FOXK1: variants seen among roughly 807,000 people sequenced by gnomAD.
The protein encoded by FOXK1 is forkhead box K1.
A neutral mutation model predicts 51.9 loss-of-function variants in FOXK1; 19 were observed. That is an observed-to-expected ratio of 0.37 (90% CI 0.26 to 0.54). The LOEUF is 0.54. Ranked by LOEUF, FOXK1 falls within the 20% of genes least tolerant of loss-of-function variation. The pLI is 0.87. For synonymous variants in FOXK1, 537 were observed against 482.6 expected (o/e 1.11, Z -1.48); for missense variants, 870 against 1,032.7 (o/e 0.84, Z 2.16).
intron 1 of FOXK1, among the ~76,000 whole-genome samples, chr7:4,699,636 G>A (rs1299984786): frequency 6.6e-6 from 1 of 152,092 alleles, no homozygotes; most frequent in Non-Finnish European, 1.5e-5. Context: ...CCACAGTGCC[G>A]GGATTACAGG....
chr7:4,754,359 T>G, intron 2 of FOXK1, 100 bp from the exon 3 acceptor site: 2 of 1,375,762 alleles, frequency 1.5e-6, no homozygotes, highest in Non-Finnish European at 2.0e-6. Context: ...GTGAGCTTCT[T>G]CCCCACAGCC....
chr7:4,702,641 C>T (rs1269296563), intron 1 of FOXK1, among the ~76,000 whole-genome samples: 1 of 152,220 alleles, frequency 6.6e-6, no homozygotes, highest in Non-Finnish European at 1.5e-5. Context: ...CCACCGCACC[C>T]GGCCAGCATT....
chr7:4,683,778 G>A lies in FOXK1; in HGVS notation c.560+910G>A, dbSNP rs542150043. Among the ~76,000 whole-genome samples, 13 of 152,204 alleles carry A rather than the reference G, an allele frequency of 8.5e-5. No homozygotes were observed. The highest frequency in any genetic ancestry group is 1.8e-4 in the Non-Finnish European group (12 of 68,016). On this transcript the variant is annotated intron_variant, in intron 1 of 8. Coordinates refer to ENST00000328914, the MANE Select transcript of FOXK1 (RefSeq NM_001037165.2). The surrounding 1 kb of genome is among the most constrained non-coding windows in gnomAD (Gnocchi z 4.5). ...ACCCCATCCAGTCTGGGTCCTGGGG[G>A]ACCCCAACACACTCACCCAGGACAG... is the stretch of plus-strand genomic sequence containing the variant.
Position 4,735,745 on chromosome 7 carries a change from C to A in FOXK1, c.561-5093C>A, listed in dbSNP as rs912291892. 6.6e-6 allele frequency among the ~76,000 whole-genome samples: 1 copy of A among 152,188 alleles called. No homozygotes were observed. Among genetic ancestry groups the A allele is most frequent in the Admixed American group, 6.5e-5 (1 of 15,280 alleles). On this transcript the variant is annotated intron_variant, in intron 1 of 8. Transcript: ENST00000328914. This position sits in a 1 kb window ranked among gnomAD's most constrained non-coding sequence, Gnocchi z 4.7. ...CTGGGTTTAAACCACCGTGCAGCAC[C>A]TTCACGATGCAAAACGTGCTCGTTC...
intron 1 of FOXK1, among the ~76,000 whole-genome samples, chr7:4,713,206 C>G (rs1024208174): frequency 7.9e-5 from 12 of 152,166 alleles, no homozygotes; most frequent in Non-Finnish European, 1.6e-4. Context: ...GGTCACAGCC[C>G]ATTGTGTAAT....
chr7:4,710,843 C>T (rs1429396751), intron 1 of FOXK1, among the ~76,000 whole-genome samples: 1 of 152,186 alleles, frequency 6.6e-6, no homozygotes, highest in Non-Finnish European at 1.5e-5. Context: ...CTGAGAATTA[C>T]AGCCATTCCA....
chr7:4,711,434 G>GA lies in FOXK1; in HGVS notation c.560+28566_560+28567insA, dbSNP rs1780172965. Among the ~76,000 whole-genome samples, 1 of 152,148 alleles carries GA rather than the reference G, an allele frequency of 6.6e-6. No individual in the cohort carries two copies. The highest frequency in any genetic ancestry group is 2.4e-5 in the African/African-American group (1 of 41,422). ...CCCTGGAGTGATTCCTGGATGTTGAGGAGGGAGAGATCTGGAGTTAAGGAA... is the reference window on the plus strand; with the variant it reads ...CCCTGGAGTGATTCCTGGATGTTGAGAGAGGGAGAGATCTGGAGTTAAGGAA... On this transcript the variant is annotated intron_variant, in intron 1 of 8. Transcript: ENST00000328914. This position sits in a 1 kb window ranked among gnomAD's most constrained non-coding sequence, Gnocchi z 6.3.
chr7:4,756,668 G>A lies in FOXK1; in HGVS notation c.1051-326G>A, dbSNP rs1448711417. On this transcript the variant is annotated intron_variant, in intron 4 of 8. Coordinates refer to ENST00000328914, the MANE Select transcript of FOXK1 (RefSeq NM_001037165.2). The surrounding 1 kb of genome is among the most constrained non-coding windows in gnomAD (Gnocchi z 4.1). ...TAGTCCCAGCTAGTCAGGAGGCTGA[G>A]GCAGGAGAATCCCTTGAACCCGGGA... Among the ~76,000 whole-genome samples the A allele has an allele frequency of 6.6e-6, 1 of 151,870 alleles. No homozygotes were observed. Among genetic ancestry groups the A allele is most frequent in the South Asian group, 2.1e-4 (1 of 4,820 alleles).
chr7:4,759,276 G>C, intron 6 of FOXK1, 35 bp from the exon 7 acceptor site: 1 of 1,604,450 alleles, frequency 6.2e-7, no homozygotes, highest in Non-Finnish European at 8.5e-7. Flanking sequence ...GGGGGTGCGG[G>C]AGGGGTCACC....
chr7:4,697,768 TG>T (rs1779972096), intron 1 of FOXK1, among the ~76,000 whole-genome samples: 1 of 151,576 alleles, frequency 6.6e-6, no homozygotes, highest in Non-Finnish European at 1.5e-5. Context: ...TGTGTGTGTG[TG>T]TGTGTGTGTG....
chr7:4,691,967 T>C (rs1403805331), intron 1 of FOXK1, among the ~76,000 whole-genome samples: 1 of 152,194 alleles, frequency 6.6e-6, no homozygotes, highest in African/African-American at 2.4e-5. Context: ...CTCAGGGCCC[T>C]TTTATACTCT....
chr7:4,728,719 C>T (rs1780411648), intron 1 of FOXK1, among the ~76,000 whole-genome samples: 1 of 113,806 alleles, frequency 8.8e-6, no homozygotes, highest in Admixed American at 1.2e-4. Flanking sequence ...AGTGAGACCA[C>T]GTCTCTTTTT....
At position 4,707,689 on chromosome 7, in the gene FOXK1, CT is replaced by C. The variant is rs112245661; in HGVS notation, c.560+24834del. Reference sequence around the variant, plus strand: ...CGTGTGCGACCAGTACTCCATTTCACTTTTTTTTTTTTTGAGACGGACTCTC... The same window carrying C: ...CGTGTGCGACCAGTACTCCATTTCACTTTTTTTTTTTTGAGACGGACTCTC... On this transcript the variant is annotated intron_variant, in intron 1 of 8. Coordinates refer to ENST00000328914, the MANE Select transcript of FOXK1 (RefSeq NM_001037165.2). The surrounding 1 kb of genome is among the most constrained non-coding windows in gnomAD (Gnocchi z 4.1). Among the ~76,000 whole-genome samples the C allele has an allele frequency of 5.2e-4, 75 of 144,266 alleles. No individual in the cohort carries two copies. Among genetic ancestry groups the C allele is most frequent in the East Asian group, 1.0e-3 (5 of 4,962 alleles). The allele number at this position is 144,266 out of a possible 152,430, so 94.6% of individuals were successfully genotyped here. A position where few individuals can be genotyped will look rare whatever the true frequency, so the allele number is the denominator to read the frequency against.
At position 4,734,571 on chromosome 7, in the gene FOXK1, C is replaced by T. The variant is rs569948177; in HGVS notation, c.561-6267C>T. On this transcript the variant is annotated intron_variant, in intron 1 of 8. Coordinates refer to ENST00000328914, the MANE Select transcript of FOXK1 (RefSeq NM_001037165.2). The surrounding 1 kb of genome is among the most constrained non-coding windows in gnomAD (Gnocchi z 5.2). ...GGAGGTGCCCCCCGGCCCACCCCCC[C>T]GCTGCCCAAGTGTGCGTGGGCATCG... Among the ~76,000 whole-genome samples, 5 of 152,222 alleles carry T rather than the reference C, an allele frequency of 3.3e-5. No homozygotes were observed. Among genetic ancestry groups the T allele is most frequent in the African/African-American group, 1.2e-4 (5 of 41,462 alleles).
chr7:4,693,544 TGTTA>T (rs774531044), intron 1 of FOXK1, among the ~76,000 whole-genome samples: 6 of 152,336 alleles, frequency 3.9e-5, no homozygotes, highest in Non-Finnish European at 8.8e-5. Flanking sequence ...CGATTCATCC[TGTTA>T]GTTACTGCCG....
intron 1 of FOXK1, among the ~76,000 whole-genome samples, chr7:4,685,662 G>A (rs1166912277): frequency 6.6e-6 from 1 of 151,504 alleles, no homozygotes; most frequent in Admixed American, 6.6e-5. Context: ...AGATTCTTAA[G>A]CCTGGACTAC....
rs1039320764 is a variant in FOXK1, at chr7:4,756,378, A to T, written c.1051-616A>T. ...AATCCTGCCAGCCTCGGCTTCCCAAAGTGCTGGGATTACAGGCGTGAGCCA... is the reference window on the plus strand; with the variant it reads ...AATCCTGCCAGCCTCGGCTTCCCAATGTGCTGGGATTACAGGCGTGAGCCA... On this transcript the variant is annotated intron_variant, in intron 4 of 8. Transcript: ENST00000328914. This position sits in a 1 kb window ranked among gnomAD's most constrained non-coding sequence, Gnocchi z 4.1. 1.3e-5 allele frequency among the ~76,000 whole-genome samples: 2 copies of T among 151,972 alleles called. No homozygotes were observed. Among genetic ancestry groups the T allele is most frequent in the Non-Finnish European group, 2.9e-5 (2 of 67,972 alleles).
At chr7:4,702,685 G>A (rs578072939) in intron 1 of FOXK1, among the ~76,000 whole-genome samples, 13 of 152,288 alleles carry the variant, frequency 8.5e-5, no homozygotes, top group African/African-American at 3.1e-4. Flanking sequence ...TCAGGTTTGC[G>A]TTAGTGGTGT....
At position 4,756,878 on chromosome 7, in the gene FOXK1, C is replaced by T; in HGVS notation, c.1051-116C>T. On this transcript the variant is annotated intron_variant, in intron 4 of 8. Transcript: ENST00000328914. The surrounding 1 kb of genome is among the most constrained non-coding windows in gnomAD (Gnocchi z 4.1). Reference sequence around the variant, plus strand: ...CCCAGCCAGCACAGCACCAAGGGCTCTGCACAGAGGGACGGCCTCCCCTCA... The same window carrying T: ...CCCAGCCAGCACAGCACCAAGGGCTTTGCACAGAGGGACGGCCTCCCCTCA... 1 of 1,138,072 alleles carries T rather than the reference C, an allele frequency of 8.8e-7. No individual in the cohort carries two copies. The highest frequency in any genetic ancestry group is 2.1e-5 in the Admixed American group (1 of 47,806). The allele number at this position is 1,138,072 out of a possible 1,614,324, so 70.5% of individuals were successfully genotyped here. A position where few individuals can be genotyped will look rare whatever the true frequency, so the allele number is the denominator to read the frequency against.
Sources: allele counts gnomAD v4.1 joint callset (sites outside exome capture counted in the v4.1 genomes callset), GRCh38; gene constraint gnomAD v4.1.1; non-coding constraint Gnocchi (gnomAD v3.1); transcripts MANE v1.5; gene names NCBI Gene and HGNC (gene_info 2026-07-23, HGNC 2026-07-21).